The following CUBN variants were observed in gnomAD, a reference collection of about 807,000 sequenced individuals.
The protein encoded by CUBN is 460 kDa receptor.
In CUBN, 282 loss-of-function variants were observed where a neutral mutation model predicts 405.3. The observed-to-expected ratio is 0.70, with a 90% CI of 0.63 to 0.77. CUBN has a LOEUF of 0.77. CUBN is among the 30% of genes least tolerant of loss of function. CUBN has a pLI of 0.00. For missense variants in CUBN, 4,514 were observed against 4,475.2 expected (o/e 1.01, Z -0.25); for synonymous variants, 1,684 against 1,617.0 (o/e 1.04, Z -0.99).
Position 16,929,284 on chromosome 10 carries a change from A to G in CUBN, c.6125-981T>C, listed in dbSNP as rs73594238. Among the ~76,000 whole-genome samples the G allele has an allele frequency of 3.8e-3, 575 of 152,216 alleles. 5 individuals are homozygous for G. The highest frequency in any genetic ancestry group is 0.013 in the African/African-American group (554 of 41,556). On this transcript the variant is annotated intron_variant, in intron 40 of 66. Transcript: ENST00000377833. ...CCACACGTCTCCTTTCATCTTGATT[A>G]TCTTGGATATAAGCTTTGATCAAAG...
chr10:17,051,994 T>C (rs1835280380), intron 22 of CUBN, among the ~76,000 whole-genome samples: 1 of 151,980 alleles, frequency 6.6e-6, no homozygotes, highest in Non-Finnish European at 1.5e-5. Context: ...CTTGGACATG[T>C]CAGAGTGAAT....
intron 14 of CUBN, among the ~76,000 whole-genome samples, chr10:17,097,665 T>C (rs1836404227): frequency 6.6e-6 from 1 of 152,108 alleles, no homozygotes; most frequent in African/African-American, 2.4e-5. Flanking sequence ...AAAGCATAAC[T>C]TGCCATGAAC....
chr10:17,008,071 T>C (rs1444510473), intron 28 of CUBN, among the ~76,000 whole-genome samples: 7 of 152,130 alleles, frequency 4.6e-5, no homozygotes, highest in Non-Finnish European at 1.0e-4. Flanking sequence ...GAGGATCACC[T>C]TATCAAAAGG....
chr10:17,083,603 A>G lies in CUBN; in HGVS notation c.2301+668T>C, dbSNP rs145089023. ...ACTAAGTCTAGCTAGATCTTATGCT[A>G]AAGTTCTGTTTCCTCTGTCTAAATG... On this transcript the variant is annotated intron_variant, in intron 17 of 66. Transcript: ENST00000377833. Among the ~76,000 whole-genome samples, 1,341 of 152,254 alleles carry G rather than the reference A, an allele frequency of 8.8e-3. 11 individuals carry two copies. The highest frequency in any genetic ancestry group is 0.012 in the Non-Finnish European group (843 of 68,016).
intron 59 of CUBN, among the ~76,000 whole-genome samples, chr10:16,862,386 T>A (rs1448983285): frequency 6.6e-6 from 1 of 152,156 alleles, no homozygotes; most frequent in Admixed American, 6.5e-5. Context: ...GTAATTCCTG[T>A]CTCATCTGGT....
chr10:16,852,922 C>G (rs1303750831), intron 59 of CUBN, among the ~76,000 whole-genome samples: 2 of 152,054 alleles, frequency 1.3e-5, no homozygotes, highest in Non-Finnish European at 2.9e-5. Context: ...CAGCCACACT[C>G]TATATTTAAC....
intron 28 of CUBN, among the ~76,000 whole-genome samples, chr10:17,007,659 G>A (rs1412917779): frequency 6.6e-6 from 1 of 152,122 alleles, no homozygotes; most frequent in Non-Finnish European, 1.5e-5. Context: ...ATTGCAAGGT[G>A]ATAGGATTCT....
intron 55 of CUBN, among the ~76,000 whole-genome samples, chr10:16,889,552 C>A (rs1398182355): frequency 6.6e-6 from 1 of 151,984 alleles, no homozygotes; most frequent in Admixed American, 6.6e-5. Flanking sequence ...AAGAACATTC[C>A]CAAAGAAACT....
chr10:16,868,593 T>C (rs1380318610), intron 59 of CUBN, among the ~76,000 whole-genome samples: 5 of 152,324 alleles, frequency 3.3e-5, no homozygotes, highest in Non-Finnish European at 5.9e-5. Context: ...GCTGTTAGAA[T>C]AGCCAAACAG....
intron 17 of CUBN, among the ~76,000 whole-genome samples, chr10:17,075,071 T>TTC (rs1257707407): frequency 7.2e-6 from 1 of 139,412 alleles, no homozygotes; most frequent in Non-Finnish European, 1.5e-5. Flanking sequence ...TTTCTTTGTT[T>TTC]TCTTTTTTTT....
At chr10:16,940,546 C>T (rs764385732) in intron 36 of CUBN, among the ~76,000 whole-genome samples, 4 of 152,038 alleles carry the variant, frequency 2.6e-5, no homozygotes, top group East Asian at 1.9e-4. Context: ...TATAAAGTGG[C>T]GTTTAAGAAT....
At chr10:16,989,160 C>T (rs2131712361) in intron 29 of CUBN, among the ~76,000 whole-genome samples, 1 of 152,200 alleles carries the variant, frequency 6.6e-6, no homozygotes, top group South Asian at 2.1e-4. Flanking sequence ...CCTTGTCATG[C>T]TGTGCTACAG....
intron 63 of CUBN, 89 bp from the exon 64 acceptor site, chr10:16,835,284 C>T (rs1020507679): frequency 1.7e-6 from 2 of 1,170,484 alleles, no homozygotes; most frequent in Non-Finnish European, 2.6e-6. Context: ...AAGATCATTG[C>T]ATTTGATAAA....
chr10:16,967,307 T>C (rs1275878327), intron 31 of CUBN, among the ~76,000 whole-genome samples: 1 of 152,200 alleles, frequency 6.6e-6, no homozygotes, highest in Non-Finnish European at 1.5e-5. Context: ...AAACTTGCAG[T>C]TGTTGCGAGC....
Position 16,851,256 on chromosome 10 carries a change from T to C in CUBN, c.9642A>G (p.Arg3214=). ...TTACCTTTACATAATCATAAAGGCA[T>C]CTTTGCCTAGTACTTGCTGCCTCCA... ...FALEAASTRQ[R]CLYDYVKLYD... is the part of the protein sequence containing the mutation. Residue 3214 remains arginine (R), a synonymous_variant, in exon 60 of 67, where the codon AGA becomes AGG. Transcript: ENST00000377833. 6.2e-7 allele frequency: 1 copy of C among 1,613,892 alleles called. No individual in the cohort carries two copies. The highest frequency in any genetic ancestry group is 8.5e-7 in the Non-Finnish European group (1 of 1,179,762).
At chr10:17,001,168 AAGGTGG>A (rs1363338501) in intron 28 of CUBN, among the ~76,000 whole-genome samples, 1 of 152,152 alleles carries the variant, frequency 6.6e-6, no homozygotes, top group African/African-American at 2.4e-5. Context: ...TTCAGGAGTG[AAGGTGG>A]AGACCTTTGG....
chr10:17,023,082 G>A (rs1401107423), intron 27 of CUBN, among the ~76,000 whole-genome samples: 3 of 151,572 alleles, frequency 2.0e-5, no homozygotes, highest in Non-Finnish European at 2.9e-5. Flanking sequence ...GCATTTTCAC[G>A]TGACTTAAAG....
At chr10:17,119,636 ACT>A (rs895093518) in intron 6 of CUBN, among the ~76,000 whole-genome samples, 1 of 152,142 alleles carries the variant, frequency 6.6e-6, no homozygotes, top group Non-Finnish European at 1.5e-5. Flanking sequence ...CAAGAGCAAG[ACT>A]CTGTCTCAAA....
chr10:17,110,840 T>A lies in CUBN; in HGVS notation c.1015+79A>T. 5 of 1,594,012 alleles carry A rather than the reference T, an allele frequency of 3.1e-6. No homozygotes were observed. In the South Asian group the frequency reaches 5.5e-5, roughly 18 times the overall value. ...ACTCAGCCAGAAATCATATTTTAAA[T>A]GGAGCACTAGATTCCGTATTCCTAT... On this transcript the variant is annotated intron_variant, in intron 9 of 66. Transcript: ENST00000377833.
Sources: allele counts gnomAD v4.1 joint callset (sites outside exome capture counted in the v4.1 genomes callset), GRCh38; gene constraint gnomAD v4.1.1; transcripts MANE v1.5; gene names NCBI Gene and HGNC (gene_info 2026-07-23, HGNC 2026-07-21).